Variants in SPTBN5 observed in about 807,000 individuals in gnomAD.
SPTBN5 encodes spectrin beta, non-erythrocytic 5.
In SPTBN5, 513 loss-of-function variants were observed where a neutral mutation model predicts 477.6. The observed-to-expected ratio is 1.07, with a 90% CI of 1.00 to 1.16. The LOEUF is 1.16. SPTBN5 is among the 50% of genes most tolerant of loss of function. SPTBN5 has a pLI of 0.00. For missense variants in SPTBN5, 5,062 were observed against 4,731.8 expected, an observed-to-expected ratio of 1.07 and a Z score of -2.05; for synonymous variants, 2,169 against 2,011.7, an observed-to-expected ratio of 1.08 and a Z score of -2.09.
At chr15:41,858,535 T>C (rs553894323) in intron 49 of SPTBN5, 67 bp downstream of exon 49, 14 of 1,543,292 alleles carry the variant, frequency 9.1e-6, no homozygotes, top group Non-Finnish European at 1.2e-5. Flanking sequence ...CAGCACCAGC[T>C]CTGGGGCACT....
At position 41,865,846 on chromosome 15, in the gene SPTBN5, G is replaced by A. The variant is rs774582896; in HGVS notation, c.6880C>T (p.Arg2294Ter). 2.6e-5 allele frequency: 41 copies of A among 1,580,184 alleles called. No individual in the cohort carries two copies. Among genetic ancestry groups the A allele is most frequent in the Admixed American group, 1.3e-4 (7 of 55,706 alleles). Residue 2294 changes from arginine to a stop codon, truncating the protein, a stop_gained, in exon 39 of 68, where the codon CGA (arginine) becomes TGA (stop). Coordinates refer to ENST00000320955, the MANE Select transcript of SPTBN5 (RefSeq NM_016642.4). LOFTEE classifies it high-confidence loss of function. ...GQDLEHCLQL[R>*]RRLREFRGNS... ...CCTCGGAACTCGCGGAGCCGCCGTCGGAGCTGCAGGCAGTGCTCCAGGTCC... is the reference window on the plus strand; with the variant it reads ...CCTCGGAACTCGCGGAGCCGCCGTCAGAGCTGCAGGCAGTGCTCCAGGTCC...
Position 41,856,612 on chromosome 15 carries a change from G to A in SPTBN5, c.8809-14C>T, listed in dbSNP as rs1252951994. Reference sequence around the variant, plus strand: ...ACTCTCCAGGTTCTGCGGGGGAGGAGGCAGGAGGATGCGGATGTTGCTGAC... The same window carrying A: ...ACTCTCCAGGTTCTGCGGGGGAGGAAGCAGGAGGATGCGGATGTTGCTGAC... On this transcript the variant is annotated splice_polypyrimidine_tract_variant and intron_variant, in intron 52 of 67. Coordinates refer to ENST00000320955, the MANE Select transcript of SPTBN5 (RefSeq NM_016642.4). 3 of 1,564,630 alleles carry A rather than the reference G, an allele frequency of 1.9e-6. No homozygotes were observed. Among genetic ancestry groups the A allele is most frequent in the Non-Finnish European group, 2.6e-6 (3 of 1,161,590 alleles).
chr15:41,854,134 C>T lies in SPTBN5; in HGVS notation c.9690G>A (p.Glu3230=), dbSNP rs1001413868. The part of the protein sequence containing the change: ...AAAELQGRMQ[E]KTALMKGEDG... The stretch of plus-strand genomic sequence containing the variant: ...CCTCCCCCTTCATCAGGGCCGTCTT[C>T]TCCTGCATCCTTCCCTGGAGCTCAG... The change falls in exon 57 of 68, where the codon GAG becomes GAA. Residue 3230 remains glutamate (E), a synonymous_variant. Coordinates refer to ENST00000320955, the MANE Select transcript of SPTBN5 (RefSeq NM_016642.4). 6.9e-6 allele frequency: 11 copies of T among 1,593,678 alleles called. No individual in the cohort carries two copies. The highest frequency in any genetic ancestry group is 9.4e-6 in the Non-Finnish European group (11 of 1,170,650).
Position 41,877,133 on chromosome 15 carries a change from G to T in SPTBN5, c.3694C>A (p.His1232Asn). 1 of 1,613,874 alleles carries T rather than the reference G, an allele frequency of 6.2e-7. No individual in the cohort carries two copies. The highest frequency in any genetic ancestry group is 8.5e-7 in the Non-Finnish European group (1 of 1,179,848). ...ATCANHQAWL[H>N]LDNLGEDVRE... ...CTCCATACCCCAAGGTTGTCCAGGTGCAGCCAGGCCTGGTGGTTGGCACAG... is the reference window on the plus strand; with the variant it reads ...CTCCATACCCCAAGGTTGTCCAGGTTCAGCCAGGCCTGGTGGTTGGCACAG... The change falls in exon 18 of 68, where the codon CAC becomes AAC. Residue 1232 changes from histidine to asparagine, a missense_variant. Coordinates refer to ENST00000320955, the MANE Select transcript of SPTBN5 (RefSeq NM_016642.4).
Position 41,851,324 on chromosome 15 carries a change from T to C in SPTBN5, c.10702A>G (p.Ser3568Gly). ...WDSCRGNLQG[S>G]SLSLFLDERM... The stretch of plus-strand genomic sequence containing the variant: ...TCATCCAGGAACAGGCTCAGAGAGC[T>C]GCCCTGCAAGTTCCCGCGGCAGCTG... The change falls in exon 64 of 68, where the codon AGC (serine) becomes GGC (glycine). Residue 3568 changes from serine (S) to glycine (G), a missense_variant. Transcript: ENST00000320955. 1 of 1,551,150 alleles carries C rather than the reference T, an allele frequency of 6.4e-7. No homozygotes were observed. The highest frequency in any genetic ancestry group is 8.7e-7 in the Non-Finnish European group (1 of 1,146,982).
At position 41,853,349 on chromosome 15, in the gene SPTBN5, C is replaced by A; in HGVS notation, c.10079G>T (p.Gly3360Val). ...EQLLGQHEEL[G>V]QEIRECRLQA... ...AAGGCGGCACTCCCTGATTTCTTGCCCCAGCTCTTCATGCTGCCCAAGGAG... is the reference window on the plus strand; with the variant it reads ...AAGGCGGCACTCCCTGATTTCTTGCACCAGCTCTTCATGCTGCCCAAGGAG... Residue 3360 changes from glycine (G) to valine (V), a missense_variant, in exon 59 of 68, where the codon GGG (glycine) becomes GTG (valine). Gly to Val is a moderately radical substitution (Grantham distance 109, BLOSUM62 -3). Coordinates refer to ENST00000320955, the MANE Select transcript of SPTBN5 (RefSeq NM_016642.4). 1.2e-6 allele frequency: 2 copies of A among 1,612,800 alleles called. No individual in the cohort carries two copies. The highest frequency in any genetic ancestry group is 1.7e-6 in the Non-Finnish European group (2 of 1,179,598).
Position 41,852,520 on chromosome 15 carries a change from G to C in SPTBN5, c.10449+114C>G, listed in dbSNP as rs556781856. Reference sequence around the variant, plus strand: ...CACCACCGCAGCTGGCCAGGGAAAGGAGCAGGTAAGGCAGGGCCGGGTGAG... The same window carrying C: ...CACCACCGCAGCTGGCCAGGGAAAGCAGCAGGTAAGGCAGGGCCGGGTGAG... On this transcript the variant is annotated intron_variant, in intron 61 of 67. Transcript: ENST00000320955. 64 of 1,343,182 alleles carry C rather than the reference G, an allele frequency of 4.8e-5. No homozygotes were observed. The African/African-American group carries it at 8.9e-4, about 19-fold the overall frequency. 83.2% of individuals were successfully genotyped at this position (1,343,182 alleles called of 1,614,324 possible). A position where few individuals can be genotyped will look rare whatever the true frequency, so the allele number is the denominator to read the frequency against.
At position 41,871,964 on chromosome 15, in the gene SPTBN5, CT is replaced by C. The variant is rs761674471; in HGVS notation, c.5166-48del. 1.3e-5 allele frequency: 19 copies of C among 1,481,680 alleles called. 1 individual carries two copies. In the Admixed American group the frequency reaches 1.9e-4, roughly 15 times the overall value. The allele number at this position is 1,481,680 out of a possible 1,614,324, so 91.8% of individuals were successfully genotyped here. ...CCCCAGAAGTGAGTTGCCCACCCCC[CT>C]GGGGGCCAGTCGGGCCAGCCAGAGG... On this transcript the variant is annotated intron_variant, in intron 27 of 67. Transcript: ENST00000320955.
intron 53 of SPTBN5, 31 bp from the exon 54 acceptor site, chr15:41,855,776 C>T: frequency 1.3e-6 from 2 of 1,526,964 alleles, no homozygotes; most frequent in Non-Finnish European, 1.8e-6. Flanking sequence ...ATCCGTTTTC[C>T]CGGGGCACCC....
rs1482273185 is a variant in SPTBN5, at chr15:41,877,352, G to A, written c.3475C>T (p.Gln1159Ter). 1 of 1,606,630 alleles carries A rather than the reference G, an allele frequency of 6.2e-7. No individual in the cohort carries two copies. The highest frequency in any genetic ancestry group is 1.1e-5 in the South Asian group (1 of 89,954). Reference sequence around the variant, plus strand: ...GGCTGGCTCTGAGCGTCCAGCTGCTGCAGCCTGACCAGGATGACAGGCAGA... The same window carrying A: ...GGCTGGCTCTGAGCGTCCAGCTGCTACAGCCTGACCAGGATGACAGGCAGA... Reference protein sequence around the residue: ...EEIHLWQERLQQLDAQSQPMA... With the variant: ...EEIHLWQERL The change falls in exon 18 of 68, where the codon CAG becomes TAG. Residue 1159 changes from glutamine (Q) to a stop codon, truncating the protein, a stop_gained. Coordinates refer to ENST00000320955, the MANE Select transcript of SPTBN5 (RefSeq NM_016642.4). LOFTEE classifies it high-confidence loss of function.
chr15:41,875,195 G>A, intron 22 of SPTBN5, 139 bp from the exon 23 acceptor site: 1 of 924,448 alleles, frequency 1.1e-6, no homozygotes, highest in East Asian at 2.7e-5. Context: ...CCCTCGGCCA[G>A]AAGTGCCCAA....
Position 41,872,325 on chromosome 15 carries a change from T to C in SPTBN5, c.5142A>G (p.Ala1714=). The change falls in exon 27 of 68, where the codon GCA becomes GCG. Residue 1714 remains alanine, a synonymous_variant. Transcript: ENST00000320955. ...ACCGTGTGGCCGCCAACTCCTGCAGTGCCCGCAGCTGCTCCCGGAGCCTCT... is the reference window on the plus strand; with the variant it reads ...ACCGTGTGGCCGCCAACTCCTGCAGCGCCCGCAGCTGCTCCCGGAGCCTCT... ...VQERLREQLR[A]LQELAATRDR... The C allele has an allele frequency of 6.2e-7, 1 of 1,610,940 alleles. No individual in the cohort carries two copies. The highest frequency in any genetic ancestry group is 8.5e-7 in the Non-Finnish European group (1 of 1,179,704).
Position 41,874,935 on chromosome 15 carries a change from G to A in SPTBN5, c.4409C>T (p.Thr1470Ile). The change falls in exon 23 of 68, where the codon ACC becomes ATC. Residue 1470 changes from threonine to isoleucine, a missense_variant. Transcript: ENST00000320955. Reference sequence around the variant, plus strand: ...GAGGGCAGCCATCTTGGCAGCCAGGGTCCGGCTCTCACTCTCCAGCTGTTG... The same window carrying A: ...GAGGGCAGCCATCTTGGCAGCCAGGATCCGGCTCTCACTCTCCAGCTGTTG... ...RHQQLESESR[T>I]LAAKMAALAS... The A allele has an allele frequency of 3.7e-6, 6 of 1,613,498 alleles. No individual in the cohort carries two copies. Among genetic ancestry groups the A allele is most frequent in the South Asian group, 1.1e-5 (1 of 91,084 alleles).
At chr15:41,889,820 C>A (rs1317780951) in intron 4 of SPTBN5, among the ~76,000 whole-genome samples, 1 of 152,200 alleles carries the variant, frequency 6.6e-6, no homozygotes, top group Non-Finnish European at 1.5e-5. Context: ...GGGCAGTGAC[C>A]CTGAACCCCC....
Position 41,882,413 on chromosome 15 carries a change from C to T in SPTBN5, c.2103G>A (p.Arg701=), listed in dbSNP as rs779014672. 3.9e-6 allele frequency: 6 copies of T among 1,540,914 alleles called. No homozygotes were observed. The South Asian group carries it at 7.1e-5, about 18-fold the overall frequency. The change falls in exon 11 of 68, where the codon AGG becomes AGA. Residue 701 remains arginine (R), a synonymous_variant. Coordinates refer to ENST00000320955, the MANE Select transcript of SPTBN5 (RefSeq NM_016642.4). The part of the protein sequence containing the change: ...HQAVCVDLVR[R]GRDLSARRPP... ...GCCTGCGGGCGCTGAGGTCGCGTCC[C>T]CTCCGCACGAGATCTACGCACACGG...
At chr15:41,876,434 G>A in intron 20 of SPTBN5, 114 bp downstream of exon 20, 1 of 1,330,236 alleles carries the variant, frequency 7.5e-7, no homozygotes, top group Non-Finnish European at 1.0e-6. Flanking sequence ...AAGGTGTTGA[G>A]AGGATGAATG....
Position 41,863,758 on chromosome 15 carries a change from C to G in SPTBN5, c.7095G>C (p.Glu2365Asp). ...RYQQQLEGAL[E>D]IHVLSRELDN... ...CCAGCTCTCGGGACAACACGTGTAT[C>G]TCCAAGGCCCCTTCGAGCTGCTGCT... The change falls in exon 41 of 68, where the codon GAG becomes GAC. Residue 2365 changes from glutamate (E) to aspartate (D), a missense_variant. Physicochemically the swap from Glu to Asp is conservative, Grantham distance 45 (BLOSUM62 2). Transcript: ENST00000320955. 2 of 1,613,816 alleles carry G rather than the reference C, an allele frequency of 1.2e-6. No individual in the cohort carries two copies. Among genetic ancestry groups the G allele is most frequent in the Non-Finnish European group, 1.7e-6 (2 of 1,179,896 alleles).
Position 41,877,332 on chromosome 15 carries a change from G to A in SPTBN5, c.3495C>T (p.Ser1165=). Residue 1165 remains serine (S), a synonymous_variant, in exon 18 of 68, where the codon AGC becomes AGT. Coordinates refer to ENST00000320955, the MANE Select transcript of SPTBN5 (RefSeq NM_016642.4). ...GGCAGTCCAAGGCTGCCATGGGCTG[G>A]CTCTGAGCGTCCAGCTGCTGCAGCC... ...QERLQQLDAQ[S]QPMAALDCPD... 1.9e-6 allele frequency: 3 copies of A among 1,609,394 alleles called. No homozygotes were observed. The highest frequency in any genetic ancestry group is 2.5e-6 in the Non-Finnish European group (3 of 1,177,764).
intron 43 of SPTBN5, 90 bp from the exon 44 acceptor site, chr15:41,862,382 C>T: frequency 6.6e-7 from 1 of 1,524,092 alleles, no homozygotes; most frequent in Non-Finnish European, 8.8e-7. Context: ...ATCCCCTCAA[C>T]CACAGGAGGG....
Sources: allele counts gnomAD v4.1 joint callset (sites outside exome capture counted in the v4.1 genomes callset), GRCh38; gene constraint gnomAD v4.1.1; transcripts MANE v1.5; gene names NCBI Gene and HGNC (gene_info 2026-07-23, HGNC 2026-07-21).